Variants in PLCB1 observed in about 807,000 individuals in gnomAD.
The protein encoded by PLCB1 is phospholipase C beta 1.
A neutral mutation model predicts 161.8 loss-of-function variants in PLCB1; 46 were observed. That is an observed-to-expected ratio of 0.28 (90% CI 0.22 to 0.36). PLCB1 has a LOEUF of 0.36. Among genes scored for constraint, PLCB1 ranks in the 10% least tolerant of loss-of-function variants. The pLI is 1.00. For missense variants in PLCB1, 1,016 were observed against 1,472.5 expected, an observed-to-expected ratio of 0.69 and a Z score of 5.07; for synonymous variants, 517 against 503.7, an observed-to-expected ratio of 1.03 and a Z score of -0.35.
intron 3 of PLCB1, among the ~76,000 whole-genome samples, chr20:8,418,552 CCTT>C (rs1482095402): frequency 6.6e-6 from 1 of 150,378 alleles, no homozygotes; most frequent in Admixed American, 6.6e-5. Flanking sequence ...TAAAAGCTTT[CCTT>C]CTTATTCTTT....
chr20:8,288,670 G>T (rs758242646), intron 2 of PLCB1, among the ~76,000 whole-genome samples: 1 of 152,044 alleles, frequency 6.6e-6, no homozygotes, highest in Non-Finnish European at 1.5e-5. Context: ...TTCAGAGAAC[G>T]GTAGAGGTGC....
Position 8,741,451 on chromosome 20 carries a change from C to T in PLCB1, c.2414-13C>T. ...CCAGGACCTTTGATCTAAAATATCT[C>T]TTCCCTATTTAGATGTCATCGAAGC... On this transcript the variant is annotated splice_polypyrimidine_tract_variant and intron_variant, in intron 22 of 31. Coordinates refer to ENST00000338037, the MANE Select transcript of PLCB1 (RefSeq NM_015192.4). 2 of 1,561,962 alleles carry T rather than the reference C, an allele frequency of 1.3e-6. No homozygotes were observed. The highest frequency in any genetic ancestry group is 1.8e-6 in the Non-Finnish European group (2 of 1,133,094).
chr20:8,490,503 A>G (rs1334848902), intron 3 of PLCB1, among the ~76,000 whole-genome samples: 2 of 152,228 alleles, frequency 1.3e-5, no homozygotes, highest in East Asian at 1.9e-4. Context: ...GGATGGACAC[A>G]GGCTTTCTAT....
At chr20:8,146,228 C>T (rs1200269230) in intron 1 of PLCB1, among the ~76,000 whole-genome samples, 1 of 152,028 alleles carries the variant, frequency 6.6e-6, no homozygotes, top group Non-Finnish European at 1.5e-5. Context: ...AAAAGCCTCC[C>T]TTGCAGGGCA....
chr20:8,868,633 A>G (rs1987508384), intron 31 of PLCB1, among the ~76,000 whole-genome samples: 1 of 152,002 alleles, frequency 6.6e-6, no homozygotes, highest in Non-Finnish European at 1.5e-5. Context: ...TATTTATTTT[A>G]CTTATGTATT....
intron 2 of PLCB1, among the ~76,000 whole-genome samples, chr20:8,177,429 C>T (rs57433233): frequency 0.34 from 51,003 of 151,504 alleles, 9,011 homozygotes; most frequent in African/African-American, 0.46. Context: ...GTTATAATAG[C>T]CTACCTGGAC....
chr20:8,750,781 C>A, intron 23 of PLCB1: 1 of 1,235,580 alleles, frequency 8.1e-7, no homozygotes, highest in Non-Finnish European at 1.1e-6. Flanking sequence ...AAGCTACTTT[C>A]TGACAATATT....
intron 2 of PLCB1, among the ~76,000 whole-genome samples, chr20:8,321,020 T>TAGAG (rs11472030): frequency 0.25 from 36,935 of 150,280 alleles, 4,750 homozygotes; most frequent in South Asian, 0.44. Flanking sequence ...GGGAGGGAGA[T>TAGAG]AAAGAAAGAA....
chr20:8,414,933 A>G (rs1979205298), intron 3 of PLCB1, among the ~76,000 whole-genome samples: 1 of 152,114 alleles, frequency 6.6e-6, no homozygotes, highest in Non-Finnish European at 1.5e-5. Flanking sequence ...CAGAATATGC[A>G]TTTTAACAAG....
rs192382223 is a variant in PLCB1, at chr20:8,869,006, A to G, written c.3424-12616A>G. 1.8e-3 allele frequency among the ~76,000 whole-genome samples: 269 copies of G among 152,286 alleles called. 1 individual carries two copies. The highest frequency in any genetic ancestry group is 3.2e-3 in the Non-Finnish European group (216 of 68,026). On this transcript the variant is annotated intron_variant, in intron 31 of 31. Transcript: ENST00000338037. The stretch of plus-strand genomic sequence containing the variant: ...TTGGATGGTAGGCTTTAGTCTCCTC[A>G]CTTCATGATTGATGGGATTTGATGA...
intron 11 of PLCB1, among the ~76,000 whole-genome samples, chr20:8,707,274 T>C (rs775902635): frequency 9.2e-5 from 14 of 152,156 alleles, no homozygotes; most frequent in South Asian, 2.1e-4. Context: ...CAGGAGTGGA[T>C]ATAAAGAACG....
chr20:8,527,635 G>A (rs1056816086), intron 3 of PLCB1, among the ~76,000 whole-genome samples: 1 of 152,082 alleles, frequency 6.6e-6, no homozygotes, highest in Non-Finnish European at 1.5e-5. Flanking sequence ...GCATAGTACA[G>A]TCTGGAAGAA....
At chr20:8,306,685 G>A (rs1014898995) in intron 2 of PLCB1, among the ~76,000 whole-genome samples, 5 of 152,214 alleles carry the variant, frequency 3.3e-5, no homozygotes, top group African/African-American at 1.2e-4. Flanking sequence ...TTTAATATTG[G>A]TTATGAAAAT....
intron 31 of PLCB1, among the ~76,000 whole-genome samples, chr20:8,818,523 T>C (rs1287589224): frequency 6.6e-6 from 1 of 152,244 alleles, no homozygotes; most frequent in African/African-American, 2.4e-5. Flanking sequence ...TGTGAATAAC[T>C]ATTCAGAATA....
At chr20:8,865,072 A>G (rs1987381289) in intron 31 of PLCB1, among the ~76,000 whole-genome samples, 1 of 152,222 alleles carries the variant, frequency 6.6e-6, no homozygotes, top group Non-Finnish European at 1.5e-5. Context: ...TCCTGTCCTT[A>G]TAAGAGTAAC....
At chr20:8,295,134 G>T (rs1463771251) in intron 2 of PLCB1, among the ~76,000 whole-genome samples, 3 of 152,126 alleles carry the variant, frequency 2.0e-5, no homozygotes, top group Admixed American at 6.6e-5. Flanking sequence ...ATTTAACACA[G>T]AATTTTAACA....
At chr20:8,318,242 T>G (rs1984748534) in intron 2 of PLCB1, among the ~76,000 whole-genome samples, 1 of 152,184 alleles carries the variant, frequency 6.6e-6, no homozygotes. Flanking sequence ...CTTTTAAAAG[T>G]CAGAGATATG....
chr20:8,774,970 T>C (rs181702997), intron 27 of PLCB1, among the ~76,000 whole-genome samples: 155 of 152,322 alleles, frequency 1.0e-3, no homozygotes, highest in African/African-American at 3.4e-3. Context: ...CTAACTTATG[T>C]TGAGTTTATA....
intron 2 of PLCB1, among the ~76,000 whole-genome samples, chr20:8,232,522 G>C (rs1002419231): frequency 1.3e-5 from 2 of 152,054 alleles, no homozygotes; most frequent in African/African-American, 2.4e-5. Context: ...CGTATTTCTC[G>C]AGCCAAGTAG....
Sources: gnomAD v4.1 joint callset for allele counts (sites outside exome capture counted in the v4.1 genomes callset) on GRCh38, gnomAD v4.1.1 for gene constraint, MANE v1.5 for transcripts, NCBI Gene and HGNC (gene_info 2026-07-23, HGNC 2026-07-21) for gene names.